The following RANBP17 variants were observed in gnomAD, a reference collection of about 807,000 sequenced individuals.
RANBP17 encodes ran-binding protein 17.
A neutral mutation model predicts 141.2 loss-of-function variants in RANBP17; 158 were observed. The ratio of observed to expected loss-of-function variants is 1.12; its 90% CI spans 0.98 to 1.28. The LOEUF (loss-of-function observed/expected upper bound fraction) is 1.28, where lower values mean the gene tolerates loss of function less well. RANBP17 is among the 50% of genes most tolerant of loss of function. The pLI is 0.00. For missense variants in RANBP17, 1,438 were observed against 1,290.7 expected (o/e 1.11, Z -1.75); for synonymous variants, 430 against 450.0 (o/e 0.96, Z 0.56).
intron 25 of RANBP17, among the ~76,000 whole-genome samples, chr5:171,283,899 T>G (rs1273537303): frequency 6.6e-6 from 1 of 152,246 alleles, no homozygotes; most frequent in African/African-American, 2.4e-5. Context: ...TGTTTCTTGG[T>G]CTCTCTCACA....
chr5:171,158,979 G>A (rs1375477231), intron 14 of RANBP17, among the ~76,000 whole-genome samples: 1 of 152,200 alleles, frequency 6.6e-6, no homozygotes, highest in African/African-American at 2.4e-5. Context: ...ACTTGAGAAT[G>A]CAGTTTATCT....
chr5:171,258,364 C>A (rs934014367), intron 24 of RANBP17, among the ~76,000 whole-genome samples: 1 of 152,046 alleles, frequency 6.6e-6, no homozygotes, highest in Non-Finnish European at 1.5e-5. Context: ...TCCTTCTTCA[C>A]AGAATTTTTT....
rs530205562 is a variant in RANBP17 at position 170,982,768 on chromosome 5, C to G, written c.1710+14391C>G. Reference sequence around the variant, plus strand: ...CCAGCAAAGTGAGTGAAAGAAGATCCATATTAAGGTATAGTATTGGAAATT... The same window carrying G: ...CCAGCAAAGTGAGTGAAAGAAGATCGATATTAAGGTATAGTATTGGAAATT... On this transcript the variant is annotated intron_variant, in intron 14 of 27. Coordinates refer to ENST00000523189, the MANE Select transcript of RANBP17 (RefSeq NM_022897.5). Among the ~76,000 whole-genome samples, 14 of 152,144 alleles carry G rather than the reference C, an allele frequency of 9.2e-5. No homozygotes were observed. The South Asian group carries it at 2.9e-3, about 32-fold the overall frequency.
chr5:170,962,865 C>T (rs909635624), intron 13 of RANBP17, among the ~76,000 whole-genome samples: 1 of 152,008 alleles, frequency 6.6e-6, no homozygotes, highest in African/African-American at 2.4e-5. Flanking sequence ...AAACGCTTGT[C>T]AAAATATTTT....
intron 14 of RANBP17, among the ~76,000 whole-genome samples, chr5:171,003,502 C>T (rs1024586849): frequency 2.0e-5 from 3 of 151,974 alleles, no homozygotes; most frequent in Admixed American, 6.6e-5. Context: ...AGGGAGAGCA[C>T]GTGTGTTTTT....
At chr5:171,034,831 T>G (rs984358082) in intron 14 of RANBP17, among the ~76,000 whole-genome samples, 1 of 152,198 alleles carries the variant, frequency 6.6e-6, no homozygotes, top group Non-Finnish European at 1.5e-5. Context: ...TTCTTTGTTT[T>G]TTTGAGACAA....
At chr5:171,016,787 CT>C (rs1320524563) in intron 14 of RANBP17, among the ~76,000 whole-genome samples, 1 of 150,992 alleles carries the variant, frequency 6.6e-6, no homozygotes, top group African/African-American at 2.4e-5. Context: ...TTTATGTCTT[CT>C]TTAAAAAAAA....
chr5:170,964,332 A>G (rs557210715), intron 13 of RANBP17, among the ~76,000 whole-genome samples: 48 of 152,328 alleles, frequency 3.2e-4, no homozygotes, highest in African/African-American at 8.4e-4. Context: ...GTGTCCATCA[A>G]TAGGGGAATG....
intron 13 of RANBP17, among the ~76,000 whole-genome samples, chr5:170,963,059 CCATTA>C (rs1316926765): frequency 1.3e-5 from 2 of 151,806 alleles, no homozygotes; most frequent in African/African-American, 4.8e-5. Flanking sequence ...TTTTATGCAA[CCATTA>C]AAAACAGTGC....
At position 171,052,355 on chromosome 5, in the gene RANBP17, T is replaced by C. The variant is rs374666362; in HGVS notation, c.1710+83978T>C. Among the ~76,000 whole-genome samples the C allele has an allele frequency of 8.5e-5, 13 of 152,278 alleles. No individual in the cohort carries two copies. In the East Asian group the frequency reaches 1.5e-3, roughly 18 times the overall value. ...AAGGTCATGAAGATTCATCCCTATG[T>C]TTTTTTCTAATATTTTATACTTTTA... On this transcript the variant is annotated intron_variant, in intron 14 of 27. Transcript: ENST00000523189.
chr5:171,211,915 T>C (rs1367354376), intron 20 of RANBP17, among the ~76,000 whole-genome samples: 1 of 152,218 alleles, frequency 6.6e-6, no homozygotes. Context: ...TCAAATAAGC[T>C]ACACTTCATT....
intron 14 of RANBP17, among the ~76,000 whole-genome samples, chr5:171,077,356 G>A (rs1432873455): frequency 6.6e-6 from 1 of 151,868 alleles, no homozygotes; most frequent in Non-Finnish European, 1.5e-5. Flanking sequence ...AAAAAGAAGT[G>A]TACAAGGTAA....
chr5:171,109,838 C>G (rs147795528), intron 14 of RANBP17, among the ~76,000 whole-genome samples: 1 of 152,140 alleles, frequency 6.6e-6, no homozygotes, highest in East Asian at 1.9e-4. Context: ...AACACTAAGG[C>G]ATTGGTTGAG....
intron 3 of RANBP17, among the ~76,000 whole-genome samples, chr5:170,882,157 C>T (rs891412441): frequency 3.3e-5 from 5 of 152,084 alleles, no homozygotes; most frequent in Non-Finnish European, 7.4e-5. Flanking sequence ...GATCTCAGCT[C>T]ACTGCAACCT....
intron 14 of RANBP17, among the ~76,000 whole-genome samples, chr5:171,145,547 A>C (rs1757980483): frequency 6.6e-6 from 1 of 152,108 alleles, no homozygotes; most frequent in African/African-American, 2.4e-5. Context: ...TACTTTTATC[A>C]ACAGCTGTTT....
chr5:171,295,700 A>T (rs1768773317), intron 26 of RANBP17, among the ~76,000 whole-genome samples, 187 bp from the exon 27 acceptor site: 1 of 152,176 alleles, frequency 6.6e-6, no homozygotes, highest in African/African-American at 2.4e-5. Context: ...CATAGAATTG[A>T]TAACTAGGAG....
chr5:170,965,811 A>G (rs1213122852), intron 13 of RANBP17, among the ~76,000 whole-genome samples: 1 of 152,078 alleles, frequency 6.6e-6, no homozygotes, highest in African/African-American at 2.4e-5. Flanking sequence ...GCCTTGTAGT[A>G]TAGTTTGAAG....
intron 22 of RANBP17, among the ~76,000 whole-genome samples, chr5:171,235,132 CCAGT>C (rs969444235): frequency 5.3e-5 from 8 of 152,068 alleles, no homozygotes; most frequent in African/African-American, 1.9e-4. Context: ...TCGAAAGCTG[CCAGT>C]CAATCAAGTA....
chr5:170,911,808 A>G (rs1220861201), intron 7 of RANBP17, among the ~76,000 whole-genome samples: 1 of 151,944 alleles, frequency 6.6e-6, no homozygotes, highest in African/African-American at 2.4e-5. Context: ...AAGGGATACC[A>G]AGAAAAAGGA....
Sources: gnomAD v4.1 joint callset for allele counts (sites outside exome capture counted in the v4.1 genomes callset) on GRCh38, gnomAD v4.1.1 for gene constraint, MANE v1.5 for transcripts, NCBI Gene and HGNC (gene_info 2026-07-23, HGNC 2026-07-21) for gene names.